The following ZFYVE1 variants were observed in gnomAD, a reference collection of about 807,000 sequenced individuals.
ZFYVE1 encodes the protein zinc finger FYVE-type containing 1, also known as zinc finger FYVE domain-containing protein 1.
ZFYVE1 carries 30 observed loss-of-function variants against 74.4 expected under a neutral mutation model. The observed-to-expected ratio is 0.40, with a 90% CI of 0.30 to 0.55. The LOEUF is 0.55. Among genes scored for constraint, ZFYVE1 ranks in the 20% least tolerant of loss-of-function variants. The pLI is 0.42. For missense variants in ZFYVE1, 703 were observed against 1,011.6 expected, an observed-to-expected ratio of 0.69 and a Z score of 4.14; for synonymous variants, 335 against 385.1, an observed-to-expected ratio of 0.87 and a Z score of 1.52.
intron 5 of ZFYVE1, 112 bp from the exon 6 acceptor site, chr14:72,979,081 A>T: frequency 1.1e-6 from 1 of 890,316 alleles, no homozygotes; most frequent in Non-Finnish European, 1.9e-6. Context: ...CTTGATTACT[A>T]ACTGGGCCTC....
intron 11 of ZFYVE1, among the ~76,000 whole-genome samples, chr14:72,972,128 C>T (rs1350595043): frequency 3.3e-5 from 5 of 152,010 alleles, no homozygotes; most frequent in Non-Finnish European, 5.9e-5. Context: ...GCATGAGAAT[C>T]GCTTAAACCT....
In ZFYVE1 at chr14:72,980,532, AATTAATTTATTTATTT is replaced by A. The variant is rs1179849113; in HGVS notation, c.1310+1241_1310+1256del. On this transcript the variant is annotated intron_variant, in intron 5 of 11. Transcript: ENST00000556143. ...TGAACATCAGCATCACCTGAGAATT[AATTAATTTATTTATTT>A]ATTTATTTATTTATTTATTTATTTA... Among the ~76,000 whole-genome samples, 118 of 97,456 alleles carry A rather than the reference AATTAATTTATTTATTT, an allele frequency of 1.2e-3. 3 individuals carry two copies. In the South Asian group the frequency reaches 0.02, roughly 17 times the overall value. The allele number at this position is 97,456 out of a possible 152,430, so 63.9% of individuals were successfully genotyped here.
At chr14:72,972,078 C>T (rs892251616) in intron 11 of ZFYVE1, among the ~76,000 whole-genome samples, 3 of 152,018 alleles carry the variant, frequency 2.0e-5, no homozygotes, top group African/African-American at 7.2e-5. Context: ...AAAAATTAGC[C>T]GGGCGTGGTG....
At chr14:73,015,289 G>A (rs1594862917) in intron 2 of ZFYVE1, among the ~76,000 whole-genome samples, 1 of 82,284 alleles carries the variant, frequency 1.2e-5, no homozygotes, top group African/African-American at 5.1e-5. Flanking sequence ...AGGAAGGAAG[G>A]AAGGAAAGAA....
chr14:72,995,209 C>G (rs528770414), intron 3 of ZFYVE1, among the ~76,000 whole-genome samples: 1 of 152,300 alleles, frequency 6.6e-6, no homozygotes, highest in Non-Finnish European at 1.5e-5. Context: ...ATTCTCCTGC[C>G]TCAGCCTCCT....
chr14:72,976,260 C>A (rs2140343791), intron 8 of ZFYVE1, among the ~76,000 whole-genome samples: 1 of 152,292 alleles, frequency 6.6e-6, no homozygotes, highest in South Asian at 2.1e-4. Flanking sequence ...GCATCTGTAT[C>A]CTCCTAATTT....
intron 8 of ZFYVE1, chr14:72,976,009 C>A: frequency 3.4e-6 from 1 of 293,668 alleles, no homozygotes; most frequent in Non-Finnish European, 6.3e-6. Context: ...AAGAACCTTT[C>A]CTCTCAGTTC....
chr14:73,025,412 A>AACACT (rs1257252813), intron 1 of ZFYVE1, among the ~76,000 whole-genome samples: 1 of 151,372 alleles, frequency 6.6e-6, no homozygotes, highest in Non-Finnish European at 1.5e-5. Flanking sequence ...GGCTTGTTGT[A>AACACT]TAGCCAGGCG....
intron 2 of ZFYVE1, among the ~76,000 whole-genome samples, chr14:73,021,834 T>C (rs1894325676): frequency 6.6e-6 from 1 of 152,218 alleles, no homozygotes; most frequent in African/African-American, 2.4e-5. Context: ...TAGATTTATC[T>C]TCTTCATTAC....
At chr14:72,977,486 C>A (rs564702229) in intron 8 of ZFYVE1, among the ~76,000 whole-genome samples, 1 of 150,890 alleles carries the variant, frequency 6.6e-6, no homozygotes, top group Admixed American at 6.6e-5. Flanking sequence ...TTTCCTATAA[C>A]AAAAAAATGG....
At chr14:72,990,753 A>G (rs1478097002) in intron 4 of ZFYVE1, among the ~76,000 whole-genome samples, 2 of 124,122 alleles carry the variant, frequency 1.6e-5, no homozygotes, top group Non-Finnish European at 3.2e-5. Flanking sequence ...GCTAGAGTAC[A>G]GTGGCGCACT....
At chr14:73,002,123 T>C (rs1893885573) in intron 2 of ZFYVE1, among the ~76,000 whole-genome samples, 2 of 152,146 alleles carry the variant, frequency 1.3e-5, no homozygotes, top group Non-Finnish European at 2.9e-5. Context: ...TGATACATGC[T>C]ACAACACAGA....
intron 8 of ZFYVE1, among the ~76,000 whole-genome samples, chr14:72,976,457 C>T (rs1045622950): frequency 6.6e-6 from 1 of 152,036 alleles, no homozygotes; most frequent in African/African-American, 2.4e-5. Flanking sequence ...TAACAGATTT[C>T]AGTGGGCCAG....
intron 2 of ZFYVE1, among the ~76,000 whole-genome samples, chr14:73,012,370 C>A (rs8022336): frequency 0.027 from 4,183 of 152,152 alleles, 167 homozygotes; most frequent in African/African-American, 0.093. Flanking sequence ...GCTTGTAAAC[C>A]CAACACTTTG....
At chr14:72,987,093 G>A (rs1893501594) in intron 4 of ZFYVE1, 1 of 376,656 alleles carries the variant, frequency 2.7e-6, no homozygotes, top group African/African-American at 2.2e-5. Flanking sequence ...GTATCTATAG[G>A]GCTGGCCCCA....
intron 4 of ZFYVE1, among the ~76,000 whole-genome samples, chr14:72,986,191 C>G (rs1893474591): frequency 6.6e-6 from 1 of 152,160 alleles, no homozygotes; most frequent in African/African-American, 2.4e-5. Context: ...TGGTGTGAAA[C>G]AATCTGCAGC....
intron 2 of ZFYVE1, among the ~76,000 whole-genome samples, chr14:73,020,835 C>T (rs997783215): frequency 1.1e-4 from 16 of 152,110 alleles, no homozygotes; most frequent in African/African-American, 2.4e-5. Context: ...ATTAGCAGGG[C>T]GTGGTGGCAG....
intron 4 of ZFYVE1, among the ~76,000 whole-genome samples, chr14:72,987,188 C>T (rs563818639): frequency 1.4e-3 from 209 of 152,340 alleles, no homozygotes; most frequent in Middle Eastern, 3.4e-3. Flanking sequence ...CAAAACATAA[C>T]TTTATAAATA....
At chr14:73,017,126 G>GA (rs902580026) in intron 2 of ZFYVE1, among the ~76,000 whole-genome samples, 16 of 150,324 alleles carry the variant, frequency 1.1e-4, no homozygotes, top group Admixed American at 2.0e-4. Flanking sequence ...TGTCTCAAAA[G>GA]AAAAAAAAAG....
Sources: allele counts gnomAD v4.1 joint callset (sites outside exome capture counted in the v4.1 genomes callset), GRCh38; gene constraint gnomAD v4.1.1; transcripts MANE v1.5; gene names NCBI Gene and HGNC (gene_info 2026-07-23, HGNC 2026-07-21).